TPCN2: variants seen among roughly 807,000 people sequenced by gnomAD.
TPCN2 encodes two pore segment channel 2, also known as two pore channel protein 2.
Under a neutral mutation model 111.4 loss-of-function variants are expected in TPCN2, and 92 were observed. That is an observed-to-expected ratio of 0.83 (90% CI 0.70 to 0.98). The LOEUF (loss-of-function observed/expected upper bound fraction) is 0.98, where lower values mean the gene tolerates loss of function less well. Ranked by LOEUF, TPCN2 falls within the 50% of genes least tolerant of loss-of-function variation. TPCN2 has a pLI of 0.00. For synonymous variants in TPCN2, 405 were observed against 414.5 expected, an observed-to-expected ratio of 0.98 and a Z score of 0.28; for missense variants, 995 against 980.1, an observed-to-expected ratio of 1.02 and a Z score of -0.20.
chr11:69,061,336 G>A (rs1855013076), intron 5 of TPCN2, among the ~76,000 whole-genome samples: 1 of 152,228 alleles, frequency 6.6e-6, no homozygotes, highest in East Asian at 1.9e-4. Context: ...CTGTTCCGTG[G>A]ACCCCGGAGG....
chr11:69,088,261 CT>C lies in TPCN2; in HGVS notation c.*309del. ...AAAATGCAAGAAGCAGCGGCCTCCC[CT>C]GTCCCCTGCAGCTTCCGTGGTGCCT... On this transcript the variant is annotated 3_prime_UTR_variant, in exon 25 of 25. Transcript: ENST00000294309. 1 of 352,854 alleles carries C rather than the reference CT, an allele frequency of 2.8e-6. No individual in the cohort carries two copies. Among genetic ancestry groups the C allele is most frequent in the Non-Finnish European group, 5.3e-6 (1 of 189,736 alleles). The allele number at this position is 352,854 out of a possible 1,614,324, so 21.9% of individuals were successfully genotyped here. A position where few individuals can be genotyped will look rare whatever the true frequency, so the allele number is the denominator to read the frequency against.
intron 3 of TPCN2, 131 bp downstream of exon 3, chr11:69,054,928 ATCATCCTC>A (rs1367179735): frequency 1.0e-6 from 1 of 957,418 alleles, no homozygotes; most frequent in Non-Finnish European, 1.6e-6. Context: ...GGCGGTTACC[ATCATCCTC>A]TCTGGAAAGG....
chr11:69,063,824 C>T, intron 6 of TPCN2, 71 bp from the exon 7 acceptor site: 4 of 1,476,458 alleles, frequency 2.7e-6, no homozygotes, highest in Non-Finnish European at 3.7e-6. Context: ...TGTCACCGAG[C>T]CCTGCAGGCA....
intron 14 of TPCN2, 62 bp from the exon 15 acceptor site, chr11:69,078,672 C>T: frequency 1.9e-6 from 3 of 1,613,342 alleles, no homozygotes; most frequent in Non-Finnish European, 2.5e-6. Context: ...GGAGCCTGCC[C>T]CTCCTGCCTC....
chr11:69,088,137 C>T lies in TPCN2; in HGVS notation c.*184C>T. The T allele has an allele frequency of 8.7e-6, 5 of 577,412 alleles. No homozygotes were observed. In the Middle Eastern group the frequency reaches 1.4e-3, roughly 161 times the overall value. The allele number at this position is 577,412 out of a possible 1,614,324, so 35.8% of individuals were successfully genotyped here. ...TGTGGCCCAACAACCATCTACAGAA[C>T]AGCTGCTGGTGCTTCAGGGAGGCGC... On this transcript the variant is annotated 3_prime_UTR_variant, in exon 25 of 25. Coordinates refer to ENST00000294309, the MANE Select transcript of TPCN2 (RefSeq NM_139075.4).
At chr11:69,071,017 G>A (rs1312817552) in intron 9 of TPCN2, among the ~76,000 whole-genome samples, 1 of 144,174 alleles carries the variant, frequency 6.9e-6, no homozygotes. Flanking sequence ...TTCACCCCGG[G>A]GATCCCCCAC....
intron 22 of TPCN2, 117 bp downstream of exon 22, chr11:69,086,047 G>A (rs908221461): frequency 9.9e-7 from 1 of 1,006,358 alleles, no homozygotes; most frequent in Non-Finnish European, 1.5e-6. Context: ...GGGGACTCGG[G>A]CCTTGACAGG....
chr11:69,052,205 C>T (rs927325313), intron 1 of TPCN2, among the ~76,000 whole-genome samples: 2 of 152,148 alleles, frequency 1.3e-5, no homozygotes, highest in East Asian at 1.9e-4. Flanking sequence ...CGGAACTCGG[C>T]CGCTTGTCTC....
At chr11:69,059,908 C>T (rs1357800495) in intron 5 of TPCN2, among the ~76,000 whole-genome samples, 3 of 152,202 alleles carry the variant, frequency 2.0e-5, no homozygotes, top group African/African-American at 4.8e-5. Context: ...GCATAGCCTC[C>T]GTGTCTGTCG....
intron 5 of TPCN2, among the ~76,000 whole-genome samples, chr11:69,062,097 C>T (rs1313137414): frequency 6.6e-6 from 1 of 152,064 alleles, no homozygotes; most frequent in Non-Finnish European, 1.5e-5. Flanking sequence ...CAGGAAGCAT[C>T]CACTCATGGC....
At chr11:69,049,293 G>T (rs554431498) in intron 1 of TPCN2, among the ~76,000 whole-genome samples, 187 bp downstream of exon 1, 1 of 152,184 alleles carries the variant, frequency 6.6e-6, no homozygotes. Context: ...GCGTCCTGCG[G>T]ACCCGGACCG....
intron 17 of TPCN2, among the ~76,000 whole-genome samples, chr11:69,080,841 G>A (rs528450143): frequency 2.4e-4 from 36 of 152,324 alleles, no homozygotes; most frequent in African/African-American, 8.2e-4. Context: ...TTACCTTGGG[G>A]GGCTGACACT....
Position 69,078,875 on chromosome 11 carries a change from TC to T in TPCN2, c.1411-16del. ...GCCCTGGGGCCCAATGCTGGGTGCC[TC>T]TTCTGCCCCTTTCAGATTCTCAACT... On this transcript the variant is annotated splice_polypyrimidine_tract_variant and intron_variant, in intron 15 of 24. Coordinates refer to ENST00000294309, the MANE Select transcript of TPCN2 (RefSeq NM_139075.4). The T allele has an allele frequency of 1.2e-6, 2 of 1,614,000 alleles. No individual in the cohort carries two copies. The highest frequency in any genetic ancestry group is 1.7e-6 in the Non-Finnish European group (2 of 1,179,950).
chr11:69,079,260 T>G, intron 16 of TPCN2: 1 of 538,460 alleles, frequency 1.9e-6, no homozygotes, highest in East Asian at 3.1e-5. Context: ...AGGCTGCCCC[T>G]CCCGACCCCC....
At position 69,067,578 on chromosome 11, in the gene TPCN2, C is replaced by G; in HGVS notation, c.802C>G (p.Leu268Val). 6.2e-7 allele frequency: 1 copy of G among 1,614,052 alleles called. No homozygotes were observed. The highest frequency in any genetic ancestry group is 2.2e-5 in the East Asian group (1 of 44,882). Reference protein sequence around the residue: ...LPESLTSLLVLLTTANNPDVM... With the variant: ...LPESLTSLLVVLTTANNPDVM... ...TGAGTCTCTGACTTCCCTCCTGGTG[C>G]TGCTGACCACGGCCAACAACCCCGA... The change falls in exon 8 of 25, where the codon CTG becomes GTG. Residue 268 changes from leucine to valine, a missense_variant. Leu to Val is a conservative substitution (Grantham distance 32, BLOSUM62 1). Coordinates refer to ENST00000294309, the MANE Select transcript of TPCN2 (RefSeq NM_139075.4).
chr11:69,069,081 CAG>C (rs201294107), intron 8 of TPCN2, among the ~76,000 whole-genome samples: 5,936 of 113,940 alleles, frequency 0.052, 1,431 homozygotes, highest in Non-Finnish European at 0.068. Context: ...GAAGTGACCA[CAG>C]GGGGAGCAGG....
intron 5 of TPCN2, among the ~76,000 whole-genome samples, chr11:69,059,600 C>A (rs1040492054): frequency 6.6e-6 from 1 of 152,248 alleles, no homozygotes; most frequent in African/African-American, 2.4e-5. Context: ...GCTCTGGGAC[C>A]CTTCCTACAG....
intron 8 of TPCN2, among the ~76,000 whole-genome samples, chr11:69,068,303 C>G (rs10896411): frequency 0.38 from 40,813 of 106,328 alleles, 5,786 homozygotes; most frequent in Non-Finnish European, 0.44. Context: ...AGTGACCGCA[C>G]TGGGAGCAGG....
chr11:69,070,495 G>A lies in TPCN2; in HGVS notation c.895G>A (p.Gly299Arg), dbSNP rs1855473553. The stretch of plus-strand genomic sequence containing the variant: ...CTTCTTCATAGTCTTCACTGTGATA[G>A]GTGAGTGCAGGTAACGTGGCCAGCA... The part of the protein sequence containing the change: ...AIFFIVFTVI[G>R]SLFLMNLLTA... The change falls in exon 9 of 25, where the codon GGA becomes AGA. Residue 299 changes from glycine (G) to arginine (R), a missense_variant and splice_region_variant. Physicochemically the swap from Gly to Arg is moderately radical, Grantham distance 125. Transcript: ENST00000294309. 6.2e-7 allele frequency: 1 copy of A among 1,603,250 alleles called. No homozygotes were observed. The highest frequency in any genetic ancestry group is 8.5e-7 in the Non-Finnish European group (1 of 1,175,148).
Sources: gnomAD v4.1 joint callset for allele counts (sites outside exome capture counted in the v4.1 genomes callset) on GRCh38, gnomAD v4.1.1 for gene constraint, MANE v1.5 for transcripts, NCBI Gene and HGNC (gene_info 2026-07-23, HGNC 2026-07-21) for gene names.